The following SNX29 variants were observed in gnomAD, a reference collection of about 807,000 sequenced individuals.
The protein encoded by SNX29 is sorting nexin-29.
A neutral mutation model predicts 102.1 loss-of-function variants in SNX29; 78 were observed. The observed-to-expected ratio is 0.76, with a 90% confidence interval of 0.64 to 0.92. The LOEUF is 0.92. Ranked by LOEUF, SNX29 falls within the 40% of genes least tolerant of loss-of-function variation. The pLI, the probability that SNX29 is intolerant of heterozygous loss-of-function variation, is 0.00. For synonymous variants in SNX29, 580 were observed against 414.5 expected, an observed-to-expected ratio of 1.40 and a Z score of -4.85; for missense variants, 1,280 against 1,061.7, an observed-to-expected ratio of 1.21 and a Z score of -2.86.
At chr16:12,457,256 C>T (rs551711071) in intron 18 of SNX29, among the ~76,000 whole-genome samples, 27 of 152,166 alleles carry the variant, frequency 1.8e-4, no homozygotes, top group Non-Finnish European at 3.7e-4. Flanking sequence ...CTAATACTAT[C>T]CCCGCTCTAT....
At chr16:12,229,693 C>G (rs1266723694) in intron 14 of SNX29, among the ~76,000 whole-genome samples, 2 of 151,964 alleles carry the variant, frequency 1.3e-5, no homozygotes, top group African/African-American at 4.8e-5. Flanking sequence ...AGGGATTTAC[C>G]TAACAATTGA....
At chr16:12,053,974 T>TG (rs1463221605) in intron 8 of SNX29, among the ~76,000 whole-genome samples, 1 of 143,986 alleles carries the variant, frequency 6.9e-6, no homozygotes, top group African/African-American at 2.6e-5. Flanking sequence ...TCAGTTTTTG[T>TG]TTTTTTTTTT....
chr16:12,307,674 G>C (rs573114890), intron 15 of SNX29, among the ~76,000 whole-genome samples: 1 of 152,348 alleles, frequency 6.6e-6, no homozygotes, highest in African/African-American at 2.4e-5. Flanking sequence ...ATTTGCCGAA[G>C]CCTGGAATGG....
chr16:12,042,929 C>G lies in SNX29; in HGVS notation c.280C>G (p.Leu94Val). The G allele has an allele frequency of 1.2e-6, 2 of 1,613,314 alleles. No homozygotes were observed. The highest frequency in any genetic ancestry group is 1.7e-6 in the Non-Finnish European group (2 of 1,179,412). The change falls in exon 5 of 21, where the codon CTC becomes GTC. Residue 94 changes from leucine (L) to valine (V), a missense_variant. Leu to Val is a conservative substitution (Grantham distance 32). Coordinates refer to ENST00000566228, the MANE Select transcript of SNX29 (RefSeq NM_032167.5). The part of the protein sequence containing the change: ...PVFWYYVKEV[L>V]NKHELQRFYS... ...GTTCTGGTACTACGTGAAGGAGGTC[C>G]TCAACAAGCACGAGCTGCAGCGCTT...
intron 13 of SNX29, among the ~76,000 whole-genome samples, chr16:12,194,661 C>T (rs567715540): frequency 7.0e-6 from 1 of 142,998 alleles, no homozygotes; most frequent in East Asian, 2.2e-4. Flanking sequence ...ATCGCAGACT[C>T]TGTCACCTAG....
At chr16:12,254,991 A>G (rs774392437) in intron 14 of SNX29, among the ~76,000 whole-genome samples, 14 of 152,220 alleles carry the variant, frequency 9.2e-5, no homozygotes, top group Non-Finnish European at 1.8e-4. Context: ...GACGTGCAGC[A>G]GGAATTGTTT....
At chr16:12,020,033 C>A (rs1371722937) in intron 3 of SNX29, among the ~76,000 whole-genome samples, 1 of 152,098 alleles carries the variant, frequency 6.6e-6, no homozygotes, top group African/African-American at 2.4e-5. Context: ...ATTGACTTAT[C>A]AGTATAAGCT....
At chr16:12,463,788 G>C (rs1316472847) in intron 18 of SNX29, among the ~76,000 whole-genome samples, 2 of 151,584 alleles carry the variant, frequency 1.3e-5, no homozygotes, top group African/African-American at 4.9e-5. Flanking sequence ...GCCACAATCA[G>C]ATTAACATAT....
intron 18 of SNX29, among the ~76,000 whole-genome samples, chr16:12,426,073 T>G (rs2085066284): frequency 6.6e-6 from 1 of 151,924 alleles, no homozygotes; most frequent in African/African-American, 2.4e-5. Flanking sequence ...ATTTGGTTTT[T>G]TAGTTATCTT....
At chr16:12,198,744 G>A (rs1006010030) in intron 13 of SNX29, among the ~76,000 whole-genome samples, 2 of 152,198 alleles carry the variant, frequency 1.3e-5, no homozygotes, top group African/African-American at 4.8e-5. Flanking sequence ...GTCAAACACC[G>A]TATTTGTCCA....
intron 9 of SNX29, among the ~76,000 whole-genome samples, chr16:12,063,386 T>G (rs972181109): frequency 1.5e-5 from 2 of 130,606 alleles, no homozygotes; most frequent in Non-Finnish European, 3.3e-5. Flanking sequence ...TTTTTTTTTT[T>G]TTTTTTGAGG....
chr16:12,350,677 A>T (rs554257592), intron 15 of SNX29, among the ~76,000 whole-genome samples: 1 of 152,220 alleles, frequency 6.6e-6, no homozygotes, highest in Middle Eastern at 3.2e-3. Flanking sequence ...ACTGTTTCCT[A>T]CAAGTAGGGA....
chr16:12,120,898 G>A (rs1327841906), intron 11 of SNX29, among the ~76,000 whole-genome samples: 1 of 152,148 alleles, frequency 6.6e-6, no homozygotes, highest in African/African-American at 2.4e-5. Flanking sequence ...CTGAATCTCT[G>A]TCACTGGGGC....
rs369357524 is a variant in SNX29 at position 12,279,135 on chromosome 16, C to G, written c.1782+1099C>G. On this transcript the variant is annotated intron_variant, in intron 15 of 20. Coordinates refer to ENST00000566228, the MANE Select transcript of SNX29 (RefSeq NM_032167.5). ...GTCTGTATGTACATACATACACATG[C>G]TAAGTATACAAGCAAACTTTCGGTT... Among the ~76,000 whole-genome samples, 11 of 152,268 alleles carry G rather than the reference C, an allele frequency of 7.2e-5. No homozygotes were observed. The South Asian group carries it at 1.2e-3, about 17-fold the overall frequency.
At chr16:12,160,196 GGT>G (rs1195807938) in intron 13 of SNX29, among the ~76,000 whole-genome samples, 2 of 152,148 alleles carry the variant, frequency 1.3e-5, no homozygotes, top group Non-Finnish European at 2.9e-5. Flanking sequence ...CCCATTGCTG[GGT>G]CTGCTGGACC....
intron 4 of SNX29, among the ~76,000 whole-genome samples, chr16:12,039,695 G>A (rs1418799255): frequency 6.6e-6 from 1 of 152,196 alleles, no homozygotes; most frequent in East Asian, 1.9e-4. Flanking sequence ...CCCCTACTTG[G>A]AATATTAAAC....
intron 11 of SNX29, among the ~76,000 whole-genome samples, chr16:12,107,237 G>A (rs1336921686): frequency 6.6e-6 from 1 of 152,038 alleles, no homozygotes. Flanking sequence ...CAGCCAAGGC[G>A]CTTCAGTTAC....
intron 15 of SNX29, among the ~76,000 whole-genome samples, chr16:12,289,870 T>C (rs1189703391): frequency 6.6e-6 from 1 of 151,964 alleles, no homozygotes; most frequent in African/African-American, 2.4e-5. Flanking sequence ...AGAGATGTAG[T>C]CCTGTCAAGG....
At chr16:12,401,359 A>ATTTTTTTTT (rs35886680) in intron 17 of SNX29, among the ~76,000 whole-genome samples, 4 of 101,488 alleles carry the variant, frequency 3.9e-5, no homozygotes, top group Admixed American at 1.2e-4. Flanking sequence ...ATAGAGTTAA[A>ATTTTTTTTT]TTTTTTTTTT....
Sources: gnomAD v4.1 joint callset for allele counts (sites outside exome capture counted in the v4.1 genomes callset) on GRCh38, gnomAD v4.1.1 for gene constraint, MANE v1.5 for transcripts, NCBI Gene and HGNC (gene_info 2026-07-23, HGNC 2026-07-21) for gene names.